The following NTM variants were observed in gnomAD, a reference collection of about 807,000 sequenced individuals.
NTM encodes the protein IgLON family member 2.
A neutral mutation model predicts 42.1 loss-of-function variants in NTM; 13 were observed. That is an observed-to-expected ratio of 0.31 (90% CI 0.20 to 0.49). The LOEUF (loss-of-function observed/expected upper bound fraction) is 0.49. Among genes scored for constraint, NTM ranks in the 20% least tolerant of loss-of-function variants. The pLI, the probability that NTM is intolerant of heterozygous loss-of-function variation, is 0.99. For missense variants in NTM, 373 were observed against 452.8 expected (o/e 0.82, Z 1.60); for synonymous variants, 187 against 179.2 (o/e 1.04, Z -0.35).
chr11:131,441,932 A>G (rs1018902105), intron 1 of NTM, among the ~76,000 whole-genome samples: 1 of 152,210 alleles, frequency 6.6e-6, no homozygotes, highest in African/African-American at 2.4e-5. Flanking sequence ...CCTGGAGAAA[A>G]TGTCTATAGA....
intron 1 of NTM, among the ~76,000 whole-genome samples, chr11:131,688,277 C>A (rs112723172): frequency 0.074 from 11,235 of 152,214 alleles, 1,371 homozygotes; most frequent in African/African-American, 0.26. Context: ...GGGGGGAAAG[C>A]AGCTTGCCCG....
intron 3 of NTM, among the ~76,000 whole-genome samples, chr11:132,167,283 C>G (rs2075423271): frequency 6.6e-6 from 1 of 152,140 alleles, no homozygotes; most frequent in Non-Finnish European, 1.5e-5. Flanking sequence ...GTTGCCCAGG[C>G]TGGTCTTCAA....
intron 1 of NTM, among the ~76,000 whole-genome samples, chr11:131,888,908 A>AT (rs71067344): frequency 0.022 from 3,120 of 143,760 alleles, 32 homozygotes; most frequent in Non-Finnish European, 0.033. Flanking sequence ...ATTCCTCTTT[A>AT]TTTTTTTTTT....
intron 4 of NTM, among the ~76,000 whole-genome samples, chr11:132,283,622 C>A (rs10894529): frequency 1.3e-5 from 2 of 151,998 alleles, no homozygotes; most frequent in Non-Finnish European, 2.9e-5. Context: ...TGGTTATATT[C>A]CTAAATGATG....
chr11:132,320,835 G>T (rs367842014), intron 7 of NTM, among the ~76,000 whole-genome samples: 20 of 151,150 alleles, frequency 1.3e-4, no homozygotes, highest in African/African-American at 3.4e-4. Context: ...ATCTGAGAAC[G>T]GGCAGACTGC....
chr11:131,599,465 T>G (rs2060277752), intron 1 of NTM, among the ~76,000 whole-genome samples: 1 of 152,224 alleles, frequency 6.6e-6, no homozygotes, highest in African/African-American at 2.4e-5. Flanking sequence ...CATGGATATT[T>G]GATGAGCAGT....
chr11:131,378,286 A>AGAGTGAG (rs1336699960), intron 1 of NTM, among the ~76,000 whole-genome samples: 2 of 152,186 alleles, frequency 1.3e-5, no homozygotes, highest in Non-Finnish European at 2.9e-5. Context: ...TTCTCACTCT[A>AGAGTGAG]AAATAAAACA....
intron 1 of NTM, among the ~76,000 whole-genome samples, chr11:131,748,915 T>A (rs1171969813): frequency 6.6e-6 from 1 of 152,150 alleles, no homozygotes; most frequent in Non-Finnish European, 1.5e-5. Context: ...GCTTTTGACA[T>A]CAGAGGGGCC....
At chr11:132,013,330 G>A (rs112077885) in intron 2 of NTM, among the ~76,000 whole-genome samples, 18 of 152,262 alleles carry the variant, frequency 1.2e-4, no homozygotes, top group Admixed American at 6.5e-4. Flanking sequence ...AAAAGAAGCC[G>A]TTAAATGTTG....
intron 1 of NTM, among the ~76,000 whole-genome samples, chr11:131,620,803 C>T (rs2062449417): frequency 6.6e-6 from 1 of 152,178 alleles, no homozygotes; most frequent in Non-Finnish European, 1.5e-5. Flanking sequence ...TTGTTATTGT[C>T]TATTATCTGT....
chr11:131,660,829 T>C (rs942948923), intron 1 of NTM: 24 of 1,208,530 alleles, frequency 2.0e-5, no homozygotes, highest in Non-Finnish European at 2.4e-5. Flanking sequence ...AAAAATAATA[T>C]TCACTCATTG....
At chr11:132,281,563 T>G (rs1459543080) in intron 4 of NTM, among the ~76,000 whole-genome samples, 1 of 152,204 alleles carries the variant, frequency 6.6e-6, no homozygotes, top group Non-Finnish European at 1.5e-5. Flanking sequence ...AGAACCTTCT[T>G]TCATTTACAG....
At chr11:132,052,925 C>T (rs1485187048) in intron 2 of NTM, among the ~76,000 whole-genome samples, 1 of 151,982 alleles carries the variant, frequency 6.6e-6, no homozygotes, top group East Asian at 1.9e-4. Context: ...TCTCTTGTCA[C>T]TCTAAAATGG....
chr11:132,331,068 C>T (rs1248353621), intron 8 of NTM, among the ~76,000 whole-genome samples: 1 of 152,226 alleles, frequency 6.6e-6, no homozygotes, highest in Non-Finnish European at 1.5e-5. Flanking sequence ...GCCTGCGGTT[C>T]TCACCTTTTA....
At position 131,584,534 on chromosome 11, in the gene NTM, C is replaced by G. The variant is rs575563349; in HGVS notation, c.82+213646C>G. ...ATATGTGAGAATAAAACGCTGGGTC[C>G]CATTAGTAGTCAACAGAGAAACAAT... On this transcript the variant is annotated intron_variant, in intron 1 of 8. Transcript: ENST00000683400. Among the ~76,000 whole-genome samples the G allele has an allele frequency of 2.0e-5, 3 of 152,170 alleles. No homozygotes were observed. The South Asian group carries it at 6.2e-4, about 32-fold the overall frequency.
intron 2 of NTM, among the ~76,000 whole-genome samples, chr11:132,134,188 G>A (rs994725396): frequency 2.0e-5 from 3 of 152,066 alleles, no homozygotes; most frequent in African/African-American, 7.2e-5. Flanking sequence ...TTCTCAAAAT[G>A]CTGGGATTAC....
intron 1 of NTM, chr11:131,605,896 A>T (rs2060910388): frequency 1.0e-6 from 1 of 981,712 alleles, no homozygotes; most frequent in Non-Finnish European, 1.2e-6. Flanking sequence ...TCTATTAATC[A>T]TTGTTTCAAT....
chr11:131,722,611 T>A (rs2078500717), intron 1 of NTM, among the ~76,000 whole-genome samples: 1 of 152,182 alleles, frequency 6.6e-6, no homozygotes, highest in African/African-American at 2.4e-5. Context: ...TTCTGATAGA[T>A]CCTGTTGATG....
At chr11:131,654,631 C>T (rs374596139) in intron 1 of NTM, among the ~76,000 whole-genome samples, 58 of 152,228 alleles carry the variant, frequency 3.8e-4, no homozygotes, top group African/African-American at 1.3e-3. Flanking sequence ...GCGGATTCTT[C>T]GTGAGTGGCT....
Sources: gnomAD v4.1 joint callset for allele counts (sites outside exome capture counted in the v4.1 genomes callset) on GRCh38, gnomAD v4.1.1 for gene constraint, MANE v1.5 for transcripts, NCBI Gene and HGNC (gene_info 2026-07-23, HGNC 2026-07-21) for gene names.